GBF1: variants seen among roughly 807,000 people sequenced by gnomAD.
GBF1 encodes golgi brefeldin A resistant guanine nucleotide exchange factor 1, also known as Golgi-specific brefeldin A-resistance guanine nucleotide exchange factor 1.
A neutral mutation model predicts 210.5 loss-of-function variants in GBF1; 114 were observed. The observed-to-expected ratio is 0.54, with a 90% CI of 0.47 to 0.63. The LOEUF is 0.63. Ranked by LOEUF, GBF1 falls within the 30% of genes least tolerant of loss-of-function variation. GBF1 has a pLI of 0.00. For synonymous variants in GBF1, 850 were observed against 889.2 expected (o/e 0.96, Z 0.78); for missense variants, 1,851 against 2,357.7 (o/e 0.79, Z 4.45).
intron 13 of GBF1, 107 bp from the exon 14 acceptor site, chr10:102,361,611 C>G (rs956166494): frequency 1.4e-6 from 1 of 713,078 alleles, no homozygotes. Flanking sequence ...ATACATGCCT[C>G]TAGGCTGGGC....
chr10:102,270,933 TC>T (rs2074346068), intron 3 of GBF1, among the ~76,000 whole-genome samples: 1 of 152,108 alleles, frequency 6.6e-6, no homozygotes, highest in African/African-American at 2.4e-5. Flanking sequence ...CGATCATAGC[TC>T]CCAGCAGCTC....
intron 3 of GBF1, among the ~76,000 whole-genome samples, chr10:102,288,722 GA>G (rs1348947076): frequency 7.5e-4 from 63 of 83,688 alleles, no homozygotes; most frequent in Non-Finnish European, 9.0e-4. Flanking sequence ...CGTCTCAAAG[GA>G]AAAAAAAAAA....
chr10:102,244,984 A>T (rs1175995831), upstream of GBF1, among the ~76,000 whole-genome samples: 2 of 152,210 alleles, frequency 1.3e-5, no homozygotes, highest in Admixed American at 6.5e-5. Context: ...AAGCCACGAC[A>T]GGGAAGGTGG....
chr10:102,231,857 C>T, the GBF1 span: 2 of 1,576,994 alleles, frequency 1.3e-6, no homozygotes, highest in Non-Finnish European at 1.7e-6. Flanking sequence ...GCTCGGGGAC[C>T]TCCTAAGCCA....
Position 102,363,234 on chromosome 10 carries a change from G to T in GBF1, c.1877-22G>T. The T allele has an allele frequency of 6.2e-7, 1 of 1,601,706 alleles. No homozygotes were observed. On this transcript the variant is annotated intron_variant, in intron 15 of 39. Transcript: ENST00000369983. The surrounding 1 kb of genome is among the most constrained non-coding windows in gnomAD (Gnocchi z 4.2). ...GGCTTCATACCCTATAAGTCTTCAC[G>T]TATCTTCTTCTCTCTTACCAGCTGA...
chr10:102,266,266 GCCCAGTATAGGTA>G (rs2133216496), intron 3 of GBF1, among the ~76,000 whole-genome samples: 1 of 152,118 alleles, frequency 6.6e-6, no homozygotes, highest in South Asian at 2.1e-4. Flanking sequence ...TGGTCTTGAG[GCCCAGTATAGGTA>G]CCCATATTAA....
In GBF1 at chr10:102,369,396, T is replaced by C; in HGVS notation, c.3150+9T>C. The C allele has an allele frequency of 6.2e-7, 1 of 1,601,890 alleles. No homozygotes were observed. Among genetic ancestry groups the C allele is most frequent in the Non-Finnish European group, 8.6e-7 (1 of 1,169,290 alleles). ...CCAAGGCTATGATAGAGGTAATTCT[T>C]AGTAGGAGACTAGTGAGCGATAACA... On this transcript the variant is annotated intron_variant, in intron 24 of 39. Coordinates refer to ENST00000369983, the MANE Select transcript of GBF1 (RefSeq NM_001377137.1).
Position 102,363,135 on chromosome 10 carries a change from C to T in GBF1, c.1877-121C>T. 3 of 856,228 alleles carry T rather than the reference C, an allele frequency of 3.5e-6. No homozygotes were observed. The highest frequency in any genetic ancestry group is 4.0e-5 in the South Asian group (2 of 49,664). 53.0% of individuals were successfully genotyped at this position (856,228 alleles called of 1,614,324 possible). A position where few individuals can be genotyped will look rare whatever the true frequency, so the allele number is the denominator to read the frequency against. On this transcript the variant is annotated intron_variant, in intron 15 of 39. Coordinates refer to ENST00000369983, the MANE Select transcript of GBF1 (RefSeq NM_001377137.1). This position sits in a 1 kb window ranked among gnomAD's most constrained non-coding sequence, Gnocchi z 4.2. ...TATTTTGGCTTGGGTTTGTCCTGCTCAGGGCTGGCGCCCTGTGCAGGAACC... is the reference window on the plus strand; with the variant it reads ...TATTTTGGCTTGGGTTTGTCCTGCTTAGGGCTGGCGCCCTGTGCAGGAACC...
intron 39 of GBF1, 81 bp from the exon 40 acceptor site, chr10:102,381,975 A>G: frequency 7.9e-7 from 1 of 1,260,790 alleles, no homozygotes; most frequent in Non-Finnish European, 1.1e-6. Flanking sequence ...CAGAGACTCT[A>G]TAAGCAGCCA....
In GBF1 at chr10:102,368,245, G is replaced by A. The variant is rs767737968; in HGVS notation, c.2670G>A (p.Glu890=). 4.3e-6 allele frequency: 7 copies of A among 1,613,392 alleles called. No individual in the cohort carries two copies. The highest frequency in any genetic ancestry group is 1.3e-5 in the African/African-American group (1 of 75,042). The change falls in exon 22 of 40, where the codon GAG becomes GAA. Residue 890 remains glutamate, a synonymous_variant. Transcript: ENST00000369983. ...ATGAGGAAATTGTAATGCCTGAGGA[G>A]CAGACAGGCTTGGTTCGGGAGAACT... is the stretch of plus-strand genomic sequence containing the variant. ...IKNEEIVMPE[E]QTGLVRENYV...
chr10:102,290,845 T>G (rs898986824), intron 3 of GBF1, among the ~76,000 whole-genome samples: 6 of 152,218 alleles, frequency 3.9e-5, no homozygotes, highest in African/African-American at 1.4e-4. Context: ...AATAGTCCCA[T>G]AAGTAGAGTG....
Position 102,351,250 on chromosome 10 carries a change from G to A in GBF1, c.296-6G>A, listed in dbSNP as rs760356119. On this transcript the variant is annotated splice_region_variant and splice_polypyrimidine_tract_variant and intron_variant, in intron 4 of 39. Transcript: ENST00000369983. Reference sequence around the variant, plus strand: ...TCACTTAATCTTTCCTTTTTCGCTGGAGCAGATCCCACCCATGAGGGCACA... The same window carrying A: ...TCACTTAATCTTTCCTTTTTCGCTGAAGCAGATCCCACCCATGAGGGCACA... The A allele has an allele frequency of 4.1e-6, 6 of 1,463,698 alleles. 1 individual carries two copies. In the South Asian group the frequency reaches 6.8e-5, roughly 17 times the overall value. The allele number at this position is 1,463,698 out of a possible 1,614,324, so 90.7% of individuals were successfully genotyped here.
intron 3 of GBF1, among the ~76,000 whole-genome samples, chr10:102,316,406 CTGTCTAGTTTTTGACT>C (rs1377323670): frequency 6.6e-6 from 1 of 152,094 alleles, no homozygotes; most frequent in Non-Finnish European, 1.5e-5. Context: ...ACTTTTTGAC[CTGTCTAGTTTTTGACT>C]GAGTACAGTT....
At chr10:102,338,224 C>CAACA (rs1009724387) in intron 3 of GBF1, among the ~76,000 whole-genome samples, 2 of 149,240 alleles carry the variant, frequency 1.3e-5, no homozygotes, top group African/African-American at 5.0e-5. Context: ...TCATAGATTC[C>CAACA]AACAACCTTC....
chr10:102,351,449 G>A, intron 5 of GBF1, 75 bp downstream of exon 5: 4 of 859,756 alleles, frequency 4.7e-6, no homozygotes, highest in South Asian at 1.4e-5. Flanking sequence ...TCTGCCCACA[G>A]CATGAAACTG....
Position 102,380,556 on chromosome 10 carries a change from A to C in GBF1, c.5043A>C (p.Thr1681=). ...AGAACATGCTTCTGGTGATGGACAC[A>C]GCGGAGATTTTCCACAGTGCAGATG... ...SLKNMLLVMD[T]AEIFHSADAR... The change falls in exon 38 of 40, where the codon ACA becomes ACC. Residue 1681 remains threonine, a synonymous_variant. Transcript: ENST00000369983. 6.2e-7 allele frequency: 1 copy of C among 1,614,064 alleles called. No homozygotes were observed. Among genetic ancestry groups the C allele is most frequent in the East Asian group, 2.2e-5 (1 of 44,876 alleles).
upstream of GBF1, among the ~76,000 whole-genome samples, chr10:102,243,513 A>C (rs1239996292): frequency 6.6e-6 from 1 of 152,176 alleles, no homozygotes; most frequent in Non-Finnish European, 1.5e-5. Context: ...TGCTTTTAGA[A>C]TGATGAATTT....
At chr10:102,231,113 G>T in the GBF1 span, 1 of 1,522,002 alleles carries the variant, frequency 6.6e-7, no homozygotes, top group Non-Finnish European at 8.8e-7. Context: ...TGCGGGCACG[G>T]GAGAAAGGCG....
intron 1 of GBF1, among the ~76,000 whole-genome samples, chr10:102,254,156 A>G (rs1426950074): frequency 6.6e-6 from 1 of 152,134 alleles, no homozygotes; most frequent in Non-Finnish European, 1.5e-5. Flanking sequence ...TAATTTTAAC[A>G]TGGTTGAATT....
Sources: gnomAD v4.1 joint callset for allele counts (sites outside exome capture counted in the v4.1 genomes callset) on GRCh38, gnomAD v4.1.1 for gene constraint, Gnocchi (gnomAD v3.1) non-coding constraint, MANE v1.5 for transcripts, NCBI Gene and HGNC (gene_info 2026-07-23, HGNC 2026-07-21) for gene names.